The following PADI4 variants were observed in gnomAD, a reference collection of about 807,000 sequenced individuals.
PADI4 encodes peptidyl arginine deiminase 4, also known as protein-arginine deiminase type-4.
PADI4 carries 62 observed loss-of-function variants against 75.0 expected under a neutral mutation model. The observed-to-expected ratio is 0.83, with a 90% CI of 0.67 to 1.02. PADI4 has a LOEUF of 1.02. PADI4 is among the 50% of genes least tolerant of loss of function. The pLI is 0.00. For missense variants in PADI4, 845 were observed against 850.5 expected (o/e 0.99, Z 0.08); for synonymous variants, 361 against 348.1 (o/e 1.04, Z -0.41).
At chr1:17,333,700 C>T (rs1218815108) in intron 2 of PADI4, among the ~76,000 whole-genome samples, 1 of 152,000 alleles carries the variant, frequency 6.6e-6, no homozygotes, top group East Asian at 1.9e-4. Flanking sequence ...TCACAAACGA[C>T]CCTGCCAGGC....
chr1:17,330,854 T>G lies in PADI4; in HGVS notation c.93-115T>G. 3 of 679,698 alleles carry G rather than the reference T, an allele frequency of 4.4e-6. No individual in the cohort carries two copies. In the South Asian group the frequency reaches 6.5e-5, roughly 15 times the overall value. 42.1% of individuals were successfully genotyped at this position (679,698 alleles called of 1,614,324 possible). On this transcript the variant is annotated intron_variant, in intron 1 of 15. Coordinates refer to ENST00000375448, the MANE Select transcript of PADI4 (RefSeq NM_012387.3). The stretch of plus-strand genomic sequence containing the variant: ...AGAAAAAATACTTCGCATCTTTCAG[T>G]CCAAACAAGCTGACACCTAATATTA...
intron 1 of PADI4, among the ~76,000 whole-genome samples, chr1:17,323,859 C>CCA (rs574462238): frequency 1.3e-5 from 2 of 148,770 alleles, no homozygotes; most frequent in African/African-American, 4.9e-5. Context: ...ACAACAACAA[C>CCA]AAAAAAAACA....
At chr1:17,363,416 C>A in intron 15 of PADI4, 106 bp from the exon 16 acceptor site, 1 of 743,454 alleles carries the variant, frequency 1.3e-6, no homozygotes. Flanking sequence ...AGCCACCACC[C>A]CTGGAGGGGC....
intron 10 of PADI4, among the ~76,000 whole-genome samples, chr1:17,353,970 G>C (rs887513870): frequency 2.6e-5 from 4 of 151,724 alleles, no homozygotes; most frequent in African/African-American, 9.7e-5. Flanking sequence ...CTGGGCGTGG[G>C]GGCTCATGCC....
chr1:17,328,562 A>T (rs780048782), intron 1 of PADI4, among the ~76,000 whole-genome samples: 10 of 152,054 alleles, frequency 6.6e-5, no homozygotes, highest in Non-Finnish European at 1.5e-4. Context: ...CATGAGGATC[A>T]CTTGAGCATA....
intron 6 of PADI4, among the ~76,000 whole-genome samples, chr1:17,340,661 G>A (rs558761728): frequency 1.3e-5 from 2 of 152,054 alleles, no homozygotes; most frequent in South Asian, 4.2e-4. Context: ...GGAAGGGGGA[G>A]GTCAGGTAGG....
At chr1:17,341,183 C>T (rs536631376) in intron 6 of PADI4, among the ~76,000 whole-genome samples, 57 of 151,652 alleles carry the variant, frequency 3.8e-4, no homozygotes, top group African/African-American at 1.2e-3. Context: ...ACTGCAACCT[C>T]CACCTCCTGG....
chr1:17,314,054 G>C (rs554573064), intron 1 of PADI4, among the ~76,000 whole-genome samples: 1 of 152,286 alleles, frequency 6.6e-6, no homozygotes, highest in South Asian at 2.1e-4. Context: ...CTAGCAGAGA[G>C]AGTGGCTATA....
chr1:17,351,774 C>A (rs936484177), intron 10 of PADI4, among the ~76,000 whole-genome samples: 2 of 151,942 alleles, frequency 1.3e-5, no homozygotes, highest in Non-Finnish European at 2.9e-5. Flanking sequence ...ACAGCCAGTG[C>A]AAAGGCCCTG....
intron 10 of PADI4, among the ~76,000 whole-genome samples, chr1:17,350,854 A>G (rs75297547): frequency 0.011 from 1,377 of 129,232 alleles, 127 homozygotes; most frequent in African/African-American, 0.032. Flanking sequence ...GACAATGAAT[A>G]GAACAAAGCA....
intron 6 of PADI4, among the ~76,000 whole-genome samples, chr1:17,340,713 C>T (rs1416235470): frequency 3.4e-5 from 5 of 147,150 alleles, no homozygotes; most frequent in African/African-American, 5.0e-5. Context: ...AGATGGAGAG[C>T]GCCATGGGAG....
At chr1:17,308,593 C>G (rs527936495) in intron 1 of PADI4, among the ~76,000 whole-genome samples, 1 of 152,160 alleles carries the variant, frequency 6.6e-6, no homozygotes, top group South Asian at 2.1e-4. Flanking sequence ...CTGTCTTCAT[C>G]GAGGCAACAG....
rs2073854160 is a variant in PADI4 at position 17,312,459 on chromosome 1, T to TTAA, written c.92+4145_92+4146insTAA. 3.8e-4 allele frequency among the ~76,000 whole-genome samples: 4 copies of TTAA among 10,536 alleles called. No individual in the cohort carries two copies. In the South Asian group the frequency reaches 8.9e-3, roughly 24 times the overall value. The allele number at this position is 10,536 out of a possible 152,430, so 6.9% of individuals were successfully genotyped here. ...TGGGCAATAAGAGTGAAACTCCGCC[T>TTAA]CAAAAAAAAAAAAAAAAAAGTGGGT... On this transcript the variant is annotated intron_variant, in intron 1 of 15. Coordinates refer to ENST00000375448, the MANE Select transcript of PADI4 (RefSeq NM_012387.3).
intron 6 of PADI4, 25 bp from the exon 7 acceptor site, chr1:17,341,918 T>G: frequency 6.3e-7 from 1 of 1,597,518 alleles, no homozygotes; most frequent in Non-Finnish European, 8.6e-7. Flanking sequence ...GACGCAGACC[T>G]GAGTCTCCCC....
At chr1:17,316,274 G>T (rs1416589909) in intron 1 of PADI4, among the ~76,000 whole-genome samples, 3 of 151,748 alleles carry the variant, frequency 2.0e-5, no homozygotes, top group African/African-American at 7.3e-5. Flanking sequence ...CACGTCTGTA[G>T]TCTCAGCTAC....
At position 17,334,005 on chromosome 1, in the gene PADI4, G is replaced by C; in HGVS notation, c.336G>C (p.Gly112=). 1 of 1,604,830 alleles carries C rather than the reference G, an allele frequency of 6.2e-7. No homozygotes were observed. Among genetic ancestry groups the C allele is most frequent in the Non-Finnish European group, 8.5e-7 (1 of 1,171,546 alleles). ...TCAAAGCTCTACTCTACCTCACCGG[G>C]GTGGGTAAGTGACAACCAGGATCCT... ...PPVKALLYLT[G]VEISLCADIT... The change falls in exon 3 of 16, where the codon GGG becomes GGC. Residue 112 remains glycine (G), a synonymous_variant. Transcript: ENST00000375448.
rs1214009438 is a variant in PADI4 at position 17,339,772 on chromosome 1, C to T, written c.611C>T (p.Ala204Val). 6.2e-7 allele frequency: 1 copy of T among 1,613,264 alleles called. No homozygotes were observed. Among genetic ancestry groups the T allele is most frequent in the Non-Finnish European group, 8.5e-7 (1 of 1,179,664 alleles). ...AACCATACACTGGTGCTCCACGTGG[C>T]CAGGTCTGAGATGGACAAAGTGAGG... is the stretch of plus-strand genomic sequence containing the variant. The part of the protein sequence containing the change: ...FTNHTLVLHV[A>V]RSEMDKVRVF... The change falls in exon 6 of 16, where the codon GCC (alanine) becomes GTC (valine). Residue 204 changes from alanine (A) to valine (V), a missense_variant. Coordinates refer to ENST00000375448, the MANE Select transcript of PADI4 (RefSeq NM_012387.3).
At chr1:17,312,534 A>T (rs2100648789) in intron 1 of PADI4, among the ~76,000 whole-genome samples, 1 of 151,822 alleles carries the variant, frequency 6.6e-6, no homozygotes, top group East Asian at 1.9e-4. Context: ...ATAAGAGGTA[A>T]GTGGTTGCAT....
chr1:17,323,856 CAACAAAAAAAACACA>C (rs2074073683), intron 1 of PADI4, among the ~76,000 whole-genome samples: 1 of 101,488 alleles, frequency 9.9e-6, no homozygotes. Context: ...ACAACAACAA[CAACAAAAAAAACACA>C]AACAAACAAA....
Sources: allele counts gnomAD v4.1 joint callset (sites outside exome capture counted in the v4.1 genomes callset), GRCh38; gene constraint gnomAD v4.1.1; transcripts MANE v1.5; gene names NCBI Gene and HGNC (gene_info 2026-07-23, HGNC 2026-07-21).